ZRANB3: variants seen among roughly 807,000 people sequenced by gnomAD.
ZRANB3 encodes zinc finger RANBP2-type containing 3.
ZRANB3 carries 125 observed loss-of-function variants against 133.8 expected under a neutral mutation model. That is an observed-to-expected ratio of 0.93 (90% CI 0.81 to 1.08). ZRANB3 has a LOEUF of 1.08. Ranked by LOEUF, ZRANB3 falls within the 50% of genes least tolerant of loss-of-function variation. The probability of loss-of-function intolerance (pLI) is 0.00; values close to 1 mark genes in which losing one functional copy is unlikely to be tolerated. For synonymous variants in ZRANB3, 387 were observed against 432.7 expected, an observed-to-expected ratio of 0.89 and a Z score of 1.31; for missense variants, 1,229 against 1,275.5, an observed-to-expected ratio of 0.96 and a Z score of 0.56.
intron 3 of ZRANB3, among the ~76,000 whole-genome samples, chr2:135,377,215 C>T (rs565358949): frequency 2.2e-4 from 34 of 152,230 alleles, no homozygotes; most frequent in African/African-American, 8.2e-4. Context: ...ATCTGCAAAC[C>T]AAGGAATGTC....
intron 1 of ZRANB3, among the ~76,000 whole-genome samples, chr2:135,515,258 G>T (rs944116185): frequency 1.3e-5 from 2 of 152,068 alleles, no homozygotes; most frequent in African/African-American, 4.8e-5. Context: ...CCGTGAATCT[G>T]TCTGGTCCTG....
chr2:135,485,144 C>CAAACAAAACA lies in ZRANB3; in HGVS notation c.161+19175_161+19184dup, dbSNP rs377465491. On this transcript the variant is annotated intron_variant, in intron 2 of 20. Coordinates refer to ENST00000264159, the MANE Select transcript of ZRANB3 (RefSeq NM_032143.4). ...TACATCTCAGAGAAACAAAACAAAA[C>CAAACAAAACA]AAACAAAACAAAACAAAACAAAACA... Among the ~76,000 whole-genome samples, 119 of 148,858 alleles carry CAAACAAAACA rather than the reference C, an allele frequency of 8.0e-4. 1 individual carries two copies. The highest frequency in any genetic ancestry group is 5.2e-3 in the East Asian group (26 of 4,994).
intron 2 of ZRANB3, among the ~76,000 whole-genome samples, chr2:135,486,519 T>C (rs1692127219): frequency 6.6e-6 from 1 of 152,108 alleles, no homozygotes; most frequent in Admixed American, 6.6e-5. Context: ...AAGTCTTTTT[T>C]TTTTTTTTCA....
chr2:135,220,460 G>A (rs1336591306), intron 15 of ZRANB3, among the ~76,000 whole-genome samples: 2 of 151,946 alleles, frequency 1.3e-5, no homozygotes, highest in Non-Finnish European at 2.9e-5. Flanking sequence ...AGCACTTTGG[G>A]AGGCCGAGGC....
At chr2:135,456,126 T>G (rs1690508182) in intron 2 of ZRANB3, among the ~76,000 whole-genome samples, 1 of 152,176 alleles carries the variant, frequency 6.6e-6, no homozygotes, top group Non-Finnish European at 1.5e-5. Context: ...GTATGTTGAT[T>G]AGGGTAGACT....
chr2:135,288,786 T>C (rs1179854012), intron 8 of ZRANB3, among the ~76,000 whole-genome samples: 2 of 152,092 alleles, frequency 1.3e-5, no homozygotes, highest in Non-Finnish European at 2.9e-5. Context: ...CCTACTTGGA[T>C]CTTCTCTCTT....
chr2:135,429,375 G>A (rs562113173), intron 2 of ZRANB3, among the ~76,000 whole-genome samples: 1 of 152,106 alleles, frequency 6.6e-6, no homozygotes, highest in Non-Finnish European at 1.5e-5. Flanking sequence ...AGACACTGGG[G>A]CCTACTTGAG....
At chr2:135,363,712 C>T (rs1685794472) in intron 3 of ZRANB3, among the ~76,000 whole-genome samples, 1 of 152,142 alleles carries the variant, frequency 6.6e-6, no homozygotes, top group African/African-American at 2.4e-5. Context: ...CAGTTATGCT[C>T]TAAGTTCTTA....
chr2:135,489,078 A>G (rs1692258521), intron 2 of ZRANB3, among the ~76,000 whole-genome samples: 1 of 152,076 alleles, frequency 6.6e-6, no homozygotes, highest in Non-Finnish European at 1.5e-5. Flanking sequence ...TTTTGCAAAC[A>G]GTATGATCAG....
chr2:135,243,716 T>C (rs1695657282), intron 12 of ZRANB3, among the ~76,000 whole-genome samples: 1 of 152,046 alleles, frequency 6.6e-6, no homozygotes, highest in African/African-American at 2.4e-5. Flanking sequence ...CCTTCTGGGC[T>C]CAAGAGATGC....
chr2:135,509,708 T>C (rs1047142126), intron 1 of ZRANB3, among the ~76,000 whole-genome samples: 2 of 152,122 alleles, frequency 1.3e-5, no homozygotes, highest in Admixed American at 6.5e-5. Context: ...GAAAAGCCCA[T>C]CCAGTTGCAT....
intron 3 of ZRANB3, among the ~76,000 whole-genome samples, chr2:135,374,260 G>T (rs934345266): frequency 3.3e-5 from 5 of 152,184 alleles, no homozygotes; most frequent in Non-Finnish European, 7.4e-5. Flanking sequence ...ACAAAAATTA[G>T]CTGGGTGTGG....
At chr2:135,362,066 C>G (rs993129011) in intron 3 of ZRANB3, among the ~76,000 whole-genome samples, 1 of 151,850 alleles carries the variant, frequency 6.6e-6, no homozygotes, top group Admixed American at 6.6e-5. Flanking sequence ...GGCATGGTGG[C>G]GGACACCTGT....
intron 3 of ZRANB3, among the ~76,000 whole-genome samples, chr2:135,368,801 A>C (rs773710175): frequency 5.3e-5 from 8 of 152,004 alleles, no homozygotes; most frequent in Non-Finnish European, 8.8e-5. Flanking sequence ...AAAAAAAGAC[A>C]GCTAACTCAA....
At chr2:135,354,780 G>A (rs555085233) in intron 3 of ZRANB3, among the ~76,000 whole-genome samples, 1 of 152,130 alleles carries the variant, frequency 6.6e-6, no homozygotes, top group Non-Finnish European at 1.5e-5. Context: ...GGTGGGGGAG[G>A]GGAATAGCAT....
intron 8 of ZRANB3, among the ~76,000 whole-genome samples, chr2:135,295,670 C>T (rs1682028958): frequency 1.3e-5 from 2 of 152,234 alleles, no homozygotes; most frequent in South Asian, 4.2e-4. Flanking sequence ...TTCTTCCTAG[C>T]CTCGATGGTC....
chr2:135,428,607 T>C (rs1689192784), intron 2 of ZRANB3, among the ~76,000 whole-genome samples: 2 of 152,164 alleles, frequency 1.3e-5, no homozygotes, highest in African/African-American at 2.4e-5. Context: ...AATATTCATC[T>C]GACAAAGGTC....
chr2:135,443,935 G>T (rs1689906400), intron 2 of ZRANB3, among the ~76,000 whole-genome samples: 1 of 152,072 alleles, frequency 6.6e-6, no homozygotes, highest in Admixed American at 6.5e-5. Context: ...TCTTTAATAA[G>T]AAGACAGACA....
At chr2:135,415,335 G>T (rs535978252) in intron 2 of ZRANB3, among the ~76,000 whole-genome samples, 15 of 151,880 alleles carry the variant, frequency 9.9e-5, no homozygotes, top group Admixed American at 5.9e-4. Context: ...ACACCTCTAC[G>T]CAAATAAACT....
Sources: allele counts gnomAD v4.1 joint callset (sites outside exome capture counted in the v4.1 genomes callset), GRCh38; gene constraint gnomAD v4.1.1; transcripts MANE v1.5; gene names NCBI Gene and HGNC (gene_info 2026-07-23, HGNC 2026-07-21).